Variants in TMEM132C observed in about 807,000 individuals in gnomAD.
TMEM132C encodes the protein transmembrane protein 132C.
A neutral mutation model predicts 61.4 loss-of-function variants in TMEM132C; 29 were observed. The ratio of observed to expected loss-of-function variants is 0.47; its 90% CI spans 0.35 to 0.64. The LOEUF (loss-of-function observed/expected upper bound fraction) is 0.64, where lower values mean the gene tolerates loss of function less well. Among genes scored for constraint, TMEM132C ranks in the 30% least tolerant of loss-of-function variants. The pLI is 0.00. For missense variants in TMEM132C, 1,408 were observed against 1,476.9 expected (o/e 0.95, Z 0.76); for synonymous variants, 656 against 633.1 (o/e 1.04, Z -0.54).
rs115977520 is a variant in TMEM132C, at chr12:128,313,909, C to T, written c.85+46422C>T. 3.9e-3 allele frequency among the ~76,000 whole-genome samples: 598 copies of T among 152,298 alleles called. 5 individuals are homozygous for T. The highest frequency in any genetic ancestry group is 0.014 in the African/African-American group (575 of 41,550). ...TAATTTATTTTATTATATTTTTCCC[C>T]TAAGAGAGTCTTTGAGTTCCCTCAA... is the stretch of plus-strand genomic sequence containing the variant. On this transcript the variant is annotated intron_variant, in intron 1 of 8. Coordinates refer to ENST00000435159, the MANE Select transcript of TMEM132C (RefSeq NM_001136103.3).
chr12:128,551,694 A>G (rs1874182196), intron 3 of TMEM132C, among the ~76,000 whole-genome samples: 1 of 152,166 alleles, frequency 6.6e-6, no homozygotes, highest in East Asian at 1.9e-4. Flanking sequence ...GCAGGAACAC[A>G]TCTTGCGGTT....
intron 2 of TMEM132C, among the ~76,000 whole-genome samples, chr12:128,520,916 C>T (rs372900734): frequency 2.0e-5 from 3 of 151,936 alleles, no homozygotes; most frequent in Non-Finnish European, 4.4e-5. Context: ...TGTTTGTTCC[C>T]GTGTGTTTTC....
intron 2 of TMEM132C, among the ~76,000 whole-genome samples, chr12:128,487,462 T>C (rs540944479): frequency 1.3e-4 from 8 of 62,746 alleles, no homozygotes; most frequent in Non-Finnish European, 2.4e-4. Context: ...TTTATACATA[T>C]AAATTGTGTG....
Position 128,290,403 on chromosome 12 carries a change from A to G in TMEM132C, c.85+22916A>G, listed in dbSNP as rs565446065. 2.0e-3 allele frequency among the ~76,000 whole-genome samples: 251 copies of G among 125,736 alleles called. 1 individual carries two copies. The highest frequency in any genetic ancestry group is 3.8e-3 in the Non-Finnish European group (218 of 57,586). 82.5% of individuals were successfully genotyped at this position (125,736 alleles called of 152,430 possible). On this transcript the variant is annotated intron_variant, in intron 1 of 8. Coordinates refer to ENST00000435159, the MANE Select transcript of TMEM132C (RefSeq NM_001136103.3). ...CTATCAGATCTCATGAGAACTCACT[A>G]TCATGAGAACAGCATGGGGAAAGCC...
chr12:128,459,272 A>C (rs1300195026), intron 2 of TMEM132C, among the ~76,000 whole-genome samples: 1 of 152,214 alleles, frequency 6.6e-6, no homozygotes, highest in Non-Finnish European at 1.5e-5. Context: ...TCTAAGTTCC[A>C]TGAATGTGAA....
intron 3 of TMEM132C, among the ~76,000 whole-genome samples, chr12:128,558,001 C>T (rs190853892): frequency 1.5e-3 from 225 of 152,292 alleles, no homozygotes; most frequent in Non-Finnish European, 2.5e-3. Flanking sequence ...CGCGCGGTTT[C>T]GCGCACATTA....
intron 1 of TMEM132C, among the ~76,000 whole-genome samples, chr12:128,325,780 A>C (rs1872490524): frequency 6.6e-6 from 1 of 151,974 alleles, no homozygotes; most frequent in African/African-American, 2.4e-5. Flanking sequence ...CTGTTCCCCC[A>C]TTTGGTGACC....
chr12:128,359,620 C>G (rs2135970519), intron 1 of TMEM132C, among the ~76,000 whole-genome samples: 1 of 152,328 alleles, frequency 6.6e-6, no homozygotes, highest in African/African-American at 2.4e-5. Context: ...GTTCTAAAAT[C>G]AGACAAACAC....
intron 1 of TMEM132C, among the ~76,000 whole-genome samples, chr12:128,300,079 A>T (rs1378214957): frequency 6.6e-6 from 1 of 152,244 alleles, no homozygotes; most frequent in Non-Finnish European, 1.5e-5. Context: ...TGTTTGGGCA[A>T]ATCCATGATC....
intron 1 of TMEM132C, among the ~76,000 whole-genome samples, chr12:128,324,371 A>AT (rs1465739480): frequency 2.6e-5 from 4 of 152,112 alleles, no homozygotes; most frequent in Non-Finnish European, 5.9e-5. Flanking sequence ...ACTGTCAGTA[A>AT]TTTTTTGTAC....
chr12:128,551,209 G>GCCCCCCCCCCCCCCC (rs377410290), intron 3 of TMEM132C, among the ~76,000 whole-genome samples: 1 of 147,118 alleles, frequency 6.8e-6, no homozygotes, highest in African/African-American at 2.7e-5. Flanking sequence ...AAACATAAGA[G>GCCCCCCCCCCCCCCC]CCCCCCCCCT....
chr12:128,574,868 C>A lies in TMEM132C; in HGVS notation c.1121+30765C>A, dbSNP rs182055066. ...TTGCCACTCCTCATTACTTTAGGTCCAGCCTCTTCACATATTTCCATTATC... is the reference window on the plus strand; with the variant it reads ...TTGCCACTCCTCATTACTTTAGGTCAAGCCTCTTCACATATTTCCATTATC... On this transcript the variant is annotated intron_variant, in intron 3 of 8. Transcript: ENST00000435159. 4.2e-3 allele frequency among the ~76,000 whole-genome samples: 635 copies of A among 152,310 alleles called. 4 individuals carry two copies. Among genetic ancestry groups the A allele is most frequent in the Non-Finnish European group, 6.8e-3 (465 of 68,030 alleles).
At chr12:128,331,358 G>T (rs1411664977) in intron 1 of TMEM132C, among the ~76,000 whole-genome samples, 1 of 152,164 alleles carries the variant, frequency 6.6e-6, no homozygotes, top group African/African-American at 2.4e-5. Flanking sequence ...TTGCATGGTG[G>T]CCAAATCAGG....
chr12:128,662,049 A>C (rs1954396523), intron 4 of TMEM132C, among the ~76,000 whole-genome samples: 1 of 152,206 alleles, frequency 6.6e-6, no homozygotes, highest in African/African-American at 2.4e-5. Context: ...ATGACAGAGG[A>C]GATTTTAAAG....
At chr12:128,580,963 C>A (rs1402121961) in intron 3 of TMEM132C, among the ~76,000 whole-genome samples, 1 of 152,122 alleles carries the variant, frequency 6.6e-6, no homozygotes, top group African/African-American at 2.4e-5. Flanking sequence ...CCTCCTCTAT[C>A]CCAATTGTGA....
intron 2 of TMEM132C, among the ~76,000 whole-genome samples, chr12:128,504,962 G>A (rs1872307838): frequency 8.8e-6 from 1 of 113,466 alleles, no homozygotes; most frequent in Admixed American, 8.5e-5. Flanking sequence ...ACACAATTTT[G>A]GGGACTTTAC....
chr12:128,514,521 G>A (rs1315435613), intron 2 of TMEM132C, among the ~76,000 whole-genome samples: 2 of 151,992 alleles, frequency 1.3e-5, no homozygotes, highest in Non-Finnish European at 2.9e-5. Context: ...GGTGGTGGTG[G>A]CAGGCGGGGT....
chr12:128,561,598 C>T (rs912528466), intron 3 of TMEM132C, among the ~76,000 whole-genome samples: 4 of 152,156 alleles, frequency 2.6e-5, no homozygotes, highest in African/African-American at 7.2e-5. Context: ...GGACGATGAC[C>T]GTGTGGACGT....
At chr12:128,689,469 A>G (rs1309948742) in intron 5 of TMEM132C, among the ~76,000 whole-genome samples, 1 of 152,206 alleles carries the variant, frequency 6.6e-6, no homozygotes, top group Non-Finnish European at 1.5e-5. Context: ...TTTCATTCAT[A>G]TTAACGGAGC....
Sources: gnomAD v4.1 joint callset for allele counts (sites outside exome capture counted in the v4.1 genomes callset) on GRCh38, gnomAD v4.1.1 for gene constraint, MANE v1.5 for transcripts, NCBI Gene and HGNC (gene_info 2026-07-23, HGNC 2026-07-21) for gene names.